The following HECW1 variants were observed in gnomAD, a reference collection of about 807,000 sequenced individuals.
HECW1 encodes the protein E3 ubiquitin-protein ligase HECW1.
In HECW1, 61 loss-of-function variants were observed where a neutral mutation model predicts 182.3. The ratio of observed to expected loss-of-function variants is 0.33; its 90% CI spans 0.27 to 0.41. HECW1 has a LOEUF of 0.41. Ranked by LOEUF, HECW1 falls within the 10% of genes least tolerant of loss-of-function variation. The pLI is 1.00. For missense variants in HECW1, 1,739 were observed against 2,108.9 expected (o/e 0.82, Z 3.44); for synonymous variants, 859 against 832.6 (o/e 1.03, Z -0.55).
Position 43,479,663 on chromosome 7 carries a change from C to T in HECW1, c.3153C>T (p.Ile1051=), listed in dbSNP as rs2078349027. The part of the protein sequence containing the change: ...SRATTFIDPR[I]PLQNGRLPNH... ...CTACCACTTTCATTGACCCCCGAAT[C>T]CCTCTTCAGAACGGTCGTCTTCCCA... The change falls in exon 17 of 30, where the codon ATC becomes ATT. Residue 1051 remains isoleucine (I), a synonymous_variant. Transcript: ENST00000395891. 4 of 1,613,980 alleles carry T rather than the reference C, an allele frequency of 2.5e-6. No homozygotes were observed. The highest frequency in any genetic ancestry group is 3.4e-6 in the Non-Finnish European group (4 of 1,180,012).
rs752553973 is a variant in HECW1 at position 43,501,279 on chromosome 7, C to T, written c.3588C>T (p.Phe1196=). The T allele has an allele frequency of 1.2e-5, 19 of 1,604,796 alleles. No individual in the cohort carries two copies. The highest frequency in any genetic ancestry group is 1.5e-5 in the Non-Finnish European group (18 of 1,175,794). The part of the protein sequence containing the change: ...LQAAFHPGYS[F]SPRCSPCSSP... The stretch of plus-strand genomic sequence containing the variant: ...CTGCCTTCCACCCTGGGTATAGCTT[C>T]TCTCCCCGATGTTCACCCTGTTCTT... The change falls in exon 21 of 30, where the codon TTC becomes TTT. Residue 1196 remains phenylalanine (F), a synonymous_variant. Coordinates refer to ENST00000395891, the MANE Select transcript of HECW1 (RefSeq NM_015052.5).
intron 8 of HECW1, among the ~76,000 whole-genome samples, chr7:43,425,673 A>G (rs1312096553): frequency 1.3e-5 from 2 of 152,214 alleles, no homozygotes; most frequent in Non-Finnish European, 2.9e-5. Flanking sequence ...TGGTGAGAAC[A>G]TAGTAGAAAG....
At chr7:43,361,861 C>A (rs2152813124) in intron 6 of HECW1, among the ~76,000 whole-genome samples, 1 of 128,318 alleles carries the variant, frequency 7.8e-6, no homozygotes, top group African/African-American at 3.0e-5. Context: ...AAAAAACAGG[C>A]CAGGCGCAGT....
chr7:43,432,958 T>C lies in HECW1; in HGVS notation c.802-5045T>C, dbSNP rs901167078. ...AACAACACAAACAAAATAAATAACA[T>C]CCTCCTATATTGCAGCACCAGTGCT... On this transcript the variant is annotated intron_variant, in intron 8 of 29. Coordinates refer to ENST00000395891, the MANE Select transcript of HECW1 (RefSeq NM_015052.5). This position sits in a 1 kb window ranked among gnomAD's most constrained non-coding sequence, Gnocchi z 4.1. Among the ~76,000 whole-genome samples, 1 of 152,186 alleles carries C rather than the reference T, an allele frequency of 6.6e-6. No individual in the cohort carries two copies. The highest frequency in any genetic ancestry group is 2.4e-5 in the African/African-American group (1 of 41,442).
chr7:43,410,199 C>A (rs2075754235), intron 8 of HECW1, among the ~76,000 whole-genome samples: 1 of 152,166 alleles, frequency 6.6e-6, no homozygotes, highest in African/African-American at 2.4e-5. Context: ...GACTGGGTGG[C>A]TTAAACAACA....
chr7:43,203,262 C>T (rs1795175527), intron 2 of HECW1, among the ~76,000 whole-genome samples: 1 of 152,168 alleles, frequency 6.6e-6, no homozygotes. Flanking sequence ...CAACATGCTA[C>T]AGGAAGTTGA....
intron 24 of HECW1, among the ~76,000 whole-genome samples, chr7:43,537,889 A>G (rs1296107158): frequency 6.6e-6 from 1 of 152,188 alleles, no homozygotes; most frequent in Non-Finnish European, 1.5e-5. Flanking sequence ...TTCCCAATTC[A>G]AAGCAAATAT....
intron 16 of HECW1, among the ~76,000 whole-genome samples, chr7:43,477,962 G>T (rs1236923537): frequency 6.6e-6 from 1 of 152,100 alleles, no homozygotes; most frequent in African/African-American, 2.4e-5. Flanking sequence ...ACTGTTGGTT[G>T]AAAAGAGAGT....
In HECW1 at chr7:43,125,755, C is replaced by CT. The variant is rs1397920896; in HGVS notation, c.-32+11366dup. ...CCTGGGTGACAGAGCGAGATTCTGT[C>CT]TTAAAAAAAAAAAAAAAAAAAAAAA... On this transcript the variant is annotated intron_variant, in intron 2 of 29. Transcript: ENST00000395891. 1.1e-3 allele frequency among the ~76,000 whole-genome samples: 38 copies of CT among 35,426 alleles called. No individual in the cohort carries two copies. The East Asian group carries it at 0.029, about 27-fold the overall frequency. 23.2% of individuals were successfully genotyped at this position (35,426 alleles called of 152,430 possible).
chr7:43,310,944 C>A (rs994827195), intron 3 of HECW1, among the ~76,000 whole-genome samples: 1 of 152,172 alleles, frequency 6.6e-6, no homozygotes, highest in Non-Finnish European at 1.5e-5. Context: ...ATCACCCTTG[C>A]TTGTTTCTGC....
chr7:43,115,029 A>G (rs982360802), intron 2 of HECW1, among the ~76,000 whole-genome samples: 1 of 152,242 alleles, frequency 6.6e-6, no homozygotes, highest in Non-Finnish European at 1.5e-5. Flanking sequence ...GTGATATGGA[A>G]AGACAAGCCT....
chr7:43,370,583 C>T (rs1159757588), intron 6 of HECW1, among the ~76,000 whole-genome samples: 1 of 152,174 alleles, frequency 6.6e-6, no homozygotes, highest in Non-Finnish European at 1.5e-5. Context: ...ATTGTCAAAA[C>T]TTGGAGGCAT....
At chr7:43,409,774 C>G (rs1016380296) in intron 8 of HECW1, among the ~76,000 whole-genome samples, 3 of 152,146 alleles carry the variant, frequency 2.0e-5, no homozygotes, top group Non-Finnish European at 4.4e-5. Context: ...GAGATTTGAA[C>G]CAAGGTTTGT....
intron 29 of HECW1, among the ~76,000 whole-genome samples, chr7:43,559,442 G>T (rs1016211091): frequency 2.6e-5 from 4 of 152,224 alleles, no homozygotes; most frequent in African/African-American, 9.6e-5. Flanking sequence ...CACAATCATG[G>T]TTGCATTATT....
rs73318495 is a variant in HECW1, at chr7:43,264,138, A to G, written c.27+20206A>G. 8.4e-3 allele frequency among the ~76,000 whole-genome samples: 1,285 copies of G among 152,304 alleles called. 14 individuals carry two copies. Among genetic ancestry groups the G allele is most frequent in the African/African-American group, 0.029 (1,206 of 41,542 alleles). On this transcript the variant is annotated intron_variant, in intron 3 of 29. Transcript: ENST00000395891. ...TGTTTTTGCAGTTTTGAAATATGCA[A>G]CACCTTATTATTAACTACAGTCACC...
Position 43,116,663 on chromosome 7 carries a change from G to A in HECW1, c.-32+2272G>A, listed in dbSNP as rs996836953. Reference sequence around the variant, plus strand: ...CTTCCTTTTCCATCCTAAAAAACAGGACAAGCTACATTAGGAAACCAGGAA... The same window carrying A: ...CTTCCTTTTCCATCCTAAAAAACAGAACAAGCTACATTAGGAAACCAGGAA... On this transcript the variant is annotated intron_variant, in intron 2 of 29. Transcript: ENST00000395891. Among the ~76,000 whole-genome samples the A allele has an allele frequency of 2.6e-5, 4 of 152,256 alleles. No homozygotes were observed. The East Asian group carries it at 7.7e-4, about 29-fold the overall frequency.
At chr7:43,156,395 A>G (rs1028666984) in intron 2 of HECW1, among the ~76,000 whole-genome samples, 11 of 152,210 alleles carry the variant, frequency 7.2e-5, no homozygotes, top group Admixed American at 2.0e-4. Context: ...TTATTAATCA[A>G]TGGTATTTCT....
At chr7:43,494,561 T>C (rs1287799913) in intron 19 of HECW1, among the ~76,000 whole-genome samples, 1 of 151,744 alleles carries the variant, frequency 6.6e-6, no homozygotes, top group Admixed American at 6.6e-5. Flanking sequence ...TGAAGTGAGA[T>C]GGTACAATCT....
chr7:43,427,214 T>C (rs1264676201), intron 8 of HECW1, among the ~76,000 whole-genome samples: 2 of 152,194 alleles, frequency 1.3e-5, no homozygotes, highest in African/African-American at 4.8e-5. Flanking sequence ...TTTCCCCAAC[T>C]ATGATCAATA....
Sources: allele counts gnomAD v4.1 joint callset (sites outside exome capture counted in the v4.1 genomes callset), GRCh38; gene constraint gnomAD v4.1.1; non-coding constraint Gnocchi (gnomAD v3.1); transcripts MANE v1.5; gene names NCBI Gene and HGNC (gene_info 2026-07-23, HGNC 2026-07-21).